F11: variants seen among roughly 807,000 people sequenced by gnomAD.
F11 encodes the protein coagualtion factor XI.
F11 carries 78 observed loss-of-function variants against 76.5 expected under a neutral mutation model. The ratio of observed to expected loss-of-function variants is 1.02; its 90% CI spans 0.85 to 1.23. The LOEUF is 1.23. Ranked by LOEUF, F11 falls within the 50% of genes most tolerant of loss-of-function variation. The pLI is 0.00. For missense variants in F11, 742 were observed against 771.4 expected (o/e 0.96, Z 0.45); for synonymous variants, 278 against 276.3 (o/e 1.01, Z -0.06).
rs1321219669 is a variant in F11, at chr4:186,268,098, T to C, written c.55+907T>C. On this transcript the variant is annotated intron_variant, in intron 2 of 14. Coordinates refer to ENST00000403665, the MANE Select transcript of F11 (RefSeq NM_000128.4). ...TAAACAATTGACCCTGAATCAGGGG[T>C]TCCACATCCATGGATTTAAACAACA... Among the ~76,000 whole-genome samples the C allele has an allele frequency of 2.0e-5, 3 of 152,296 alleles. No homozygotes were observed. The East Asian group carries it at 5.8e-4, about 29-fold the overall frequency.
intron 14 of F11, among the ~76,000 whole-genome samples, chr4:186,288,072 C>T (rs111283687): frequency 7.5e-6 from 1 of 132,822 alleles, no homozygotes; most frequent in Admixed American, 7.7e-5. Context: ...GCCCAGCTAG[C>T]GTCTTTTTTT....
At chr4:186,272,037 C>T (rs538023375) in intron 3 of F11, among the ~76,000 whole-genome samples, 57 of 152,206 alleles carry the variant, frequency 3.7e-4, no homozygotes, top group Middle Eastern at 3.4e-3. Context: ...AATTTTTACA[C>T]TTCTTAAACA....
intron 10 of F11, among the ~76,000 whole-genome samples, chr4:186,280,971 C>A (rs4253846): frequency 0.069 from 10,334 of 150,782 alleles, 454 homozygotes; most frequent in African/African-American, 0.11. Flanking sequence ...CTCGAACAAT[C>A]CTCCCACCTT....
intron 10 of F11, among the ~76,000 whole-genome samples, chr4:186,281,233 C>G (rs538692542): frequency 8.5e-5 from 13 of 152,258 alleles, no homozygotes; most frequent in African/African-American, 3.1e-4. Context: ...TCCTATTATC[C>G]TTTGTAAGGG....
chr4:186,276,221 C>T lies in F11; in HGVS notation c.596-10C>T, dbSNP rs1298808236. ...AATTGAGTCCCTGACATAGTTCTTC[C>T]GTCGCGCAGCTTGTATTAGGGACAT... On this transcript the variant is annotated splice_polypyrimidine_tract_variant and intron_variant, in intron 6 of 14. Transcript: ENST00000403665. 6.8e-6 allele frequency: 11 copies of T among 1,614,058 alleles called. No individual in the cohort carries two copies. The highest frequency in any genetic ancestry group is 5.5e-5 in the South Asian group (5 of 91,066).
intron 12 of F11, 106 bp downstream of exon 12, chr4:186,285,919 C>T: frequency 3.2e-6 from 4 of 1,239,142 alleles, no homozygotes; most frequent in Non-Finnish European, 4.7e-6. Flanking sequence ...CATGCGTTAT[C>T]ATCATGAAAG....
chr4:186,275,969 A>C, intron 6 of F11, 73 bp downstream of exon 6: 1 of 1,228,486 alleles, frequency 8.1e-7, no homozygotes, highest in Non-Finnish European at 1.2e-6. Context: ...CTCACTCAGG[A>C]TACCAGCTTA....
intron 13 of F11, 111 bp from the exon 14 acceptor site, chr4:186,287,573 G>T: frequency 2.6e-6 from 1 of 384,990 alleles, no homozygotes; most frequent in Non-Finnish European, 4.1e-6. Context: ...GACAGAAAGA[G>T]ACTCCGTCTC....
intron 2 of F11, among the ~76,000 whole-genome samples, chr4:186,271,226 C>T (rs1257641090): frequency 6.6e-6 from 1 of 151,976 alleles, no homozygotes; most frequent in Non-Finnish European, 1.5e-5. Context: ...CAAATAAGCA[C>T]AGGGTTTGGA....
chr4:186,281,450 A>G (rs1174844318), intron 10 of F11, among the ~76,000 whole-genome samples: 4 of 152,214 alleles, frequency 2.6e-5, no homozygotes, highest in African/African-American at 9.6e-5. Context: ...TGTTTAGATT[A>G]CACGAGACCT....
At chr4:186,277,320 C>G (rs1740463250) in intron 7 of F11, among the ~76,000 whole-genome samples, 1 of 152,148 alleles carries the variant, frequency 6.6e-6, no homozygotes, top group Non-Finnish European at 1.5e-5. Context: ...CTGATAGACT[C>G]TTAGGTTGAT....
chr4:186,271,792 A>G (rs780647948), intron 3 of F11, 21 bp downstream of exon 3: 10 of 1,613,754 alleles, frequency 6.2e-6, no homozygotes. Flanking sequence ...ATGTTTCTAC[A>G]TCGAGGAGAC....
chr4:186,286,726 CTAATTATATT>C (rs1741234652), intron 13 of F11: 1 of 983,098 alleles, frequency 1.0e-6, no homozygotes, highest in Non-Finnish European at 1.2e-6. Context: ...TCTTTAAAGA[CTAATTATATT>C]TAATGAAGTT....
intron 5 of F11, 69 bp downstream of exon 5, chr4:186,274,344 C>A: frequency 6.3e-7 from 1 of 1,596,984 alleles, no homozygotes; most frequent in South Asian, 1.1e-5. Flanking sequence ...AAAGCTTTTG[C>A]CATCAACTTT....
rs145377771 is a variant in F11, at chr4:186,284,201, G to T, written c.1245G>T (p.Leu415=). Residue 415 remains leucine, a synonymous_variant, in exon 11 of 15, where the codon CTG becomes CTT. Transcript: ENST00000403665. ...LHTTSPTQRH[L]CGGSIIGNQW... ...CAACCTCACCCACTCAGAGACACCT[G>T]TGTGGAGGCTCCATCATTGGAAACC... The T allele has an allele frequency of 3.9e-5, 63 of 1,614,242 alleles. No homozygotes were observed. The African/African-American group carries it at 6.9e-4, about 18-fold the overall frequency.
intron 3 of F11, among the ~76,000 whole-genome samples, chr4:186,272,345 A>G (rs533593236): frequency 6.6e-6 from 1 of 152,326 alleles, no homozygotes; most frequent in South Asian, 2.1e-4. Context: ...CAAAAGACAT[A>G]CGAAATTTAA....
At chr4:186,270,806 A>C (rs977198036) in intron 2 of F11, among the ~76,000 whole-genome samples, 4 of 151,208 alleles carry the variant, frequency 2.6e-5, no homozygotes, top group African/African-American at 9.7e-5. Flanking sequence ...AGATCCTCCT[A>C]CCTCAGCCTC....
intron 2 of F11, 43 bp from the exon 3 acceptor site, chr4:186,271,566 C>G (rs564679369): frequency 1.2e-6 from 2 of 1,608,992 alleles, no homozygotes; most frequent in East Asian, 4.5e-5. Context: ...AGATGTATGC[C>G]CAGTAAAATC....
At chr4:186,272,184 C>A (rs1255687920) in intron 3 of F11, among the ~76,000 whole-genome samples, 3 of 151,756 alleles carry the variant, frequency 2.0e-5, no homozygotes. Context: ...TACAGTGATC[C>A]CCCTGCCACC....
Sources: allele counts gnomAD v4.1 joint callset (sites outside exome capture counted in the v4.1 genomes callset), GRCh38; gene constraint gnomAD v4.1.1; transcripts MANE v1.5; gene names NCBI Gene and HGNC (gene_info 2026-07-23, HGNC 2026-07-21).